Variants in CAMK1D observed in about 807,000 individuals in gnomAD.
The protein encoded by CAMK1D is calcium/calmodulin dependent protein kinase ID.
Under a neutral mutation model 47.7 loss-of-function variants are expected in CAMK1D, and 9 were observed. The ratio of observed to expected loss-of-function variants is 0.19; its 90% CI spans 0.11 to 0.33. The LOEUF (loss-of-function observed/expected upper bound fraction) is 0.33. CAMK1D is among the 10% of genes least tolerant of loss of function. CAMK1D has a pLI of 1.00. For synonymous variants in CAMK1D, 184 were observed against 184.9 expected (o/e 0.99, Z 0.04); for missense variants, 291 against 488.7 (o/e 0.60, Z 3.81).
chr10:12,668,364 C>G (rs867192588), intron 3 of CAMK1D, among the ~76,000 whole-genome samples: 2 of 152,140 alleles, frequency 1.3e-5, no homozygotes, highest in African/African-American at 4.8e-5. Flanking sequence ...AACTACTAAT[C>G]CTCAATCTAA....
Position 12,569,684 on chromosome 10 carries a change from A to C in CAMK1D, c.224+16328A>C, listed in dbSNP as rs148810502. Reference sequence around the variant, plus strand: ...CAGTGAGCCGAGATCGTGCCACTGCACTCTATCTAGCTTGGGTGACAGAAC... The same window carrying C: ...CAGTGAGCCGAGATCGTGCCACTGCCCTCTATCTAGCTTGGGTGACAGAAC... On this transcript the variant is annotated intron_variant, in intron 2 of 10. Coordinates refer to ENST00000619168, the MANE Select transcript of CAMK1D (RefSeq NM_153498.4). 7.2e-3 allele frequency among the ~76,000 whole-genome samples: 976 copies of C among 135,846 alleles called. 8 individuals carry two copies. The highest frequency in any genetic ancestry group is 0.027 in the African/African-American group (929 of 34,862). The allele number at this position is 135,846 out of a possible 152,430, so 89.1% of individuals were successfully genotyped here.
chr10:12,758,977 G>T (rs766060970), intron 3 of CAMK1D, among the ~76,000 whole-genome samples: 2 of 152,188 alleles, frequency 1.3e-5, no homozygotes, highest in African/African-American at 2.4e-5. Flanking sequence ...AAGCTGCCTC[G>T]ATTGCATCCC....
intron 4 of CAMK1D, among the ~76,000 whole-genome samples, chr10:12,766,280 GCCCCGTGCCCTGCCAT>G (rs1352343044): frequency 7.2e-6 from 1 of 138,222 alleles, no homozygotes; most frequent in Non-Finnish European, 1.6e-5. Context: ...CCCAGCCCTG[GCCCCGTGCCCTGCCAT>G]CCCCACCCTA....
At chr10:12,645,213 A>G (rs1839780066) in intron 2 of CAMK1D, among the ~76,000 whole-genome samples, 1 of 152,062 alleles carries the variant, frequency 6.6e-6, no homozygotes, top group Non-Finnish European at 1.5e-5. Flanking sequence ...TTTATCCCCT[A>G]CTATTTTTGG....
At chr10:12,639,575 C>T (rs1449163365) in intron 2 of CAMK1D, among the ~76,000 whole-genome samples, 1 of 152,104 alleles carries the variant, frequency 6.6e-6, no homozygotes, top group Non-Finnish European at 1.5e-5. Flanking sequence ...AATTTTTCCC[C>T]CCAAACCCAA....
intron 2 of CAMK1D, among the ~76,000 whole-genome samples, chr10:12,662,506 GC>G (rs1236014004): frequency 1.3e-5 from 2 of 152,130 alleles, no homozygotes; most frequent in African/African-American, 2.4e-5. Context: ...CAAAAAATCA[GC>G]CGGGCATGGT....
intron 2 of CAMK1D, among the ~76,000 whole-genome samples, chr10:12,649,329 G>A (rs1839897191): frequency 6.6e-6 from 1 of 152,248 alleles, no homozygotes; most frequent in Non-Finnish European, 1.5e-5. Context: ...CAGATAGATG[G>A]ATGTGTGTCT....
chr10:12,541,687 G>T (rs994473067), intron 1 of CAMK1D, among the ~76,000 whole-genome samples: 3 of 151,748 alleles, frequency 2.0e-5, no homozygotes, highest in Admixed American at 2.0e-4. Context: ...GGTCCATTCG[G>T]ATTCTCTGGG....
chr10:12,781,403 T>G (rs1837485327), intron 5 of CAMK1D, among the ~76,000 whole-genome samples: 1 of 152,174 alleles, frequency 6.6e-6, no homozygotes, highest in Non-Finnish European at 1.5e-5. Flanking sequence ...ACAGTTGACT[T>G]CCTCCATCCC....
chr10:12,483,123 A>C (rs898220434), intron 1 of CAMK1D, among the ~76,000 whole-genome samples: 2 of 152,114 alleles, frequency 1.3e-5, no homozygotes, highest in African/African-American at 4.8e-5. Flanking sequence ...ACCTGGGTGT[A>C]GCCCCTATAT....
rs528232567 is a variant in CAMK1D at position 12,515,841 on chromosome 10, G to T, written c.93-37384G>T. ...TTAGCCAGGATGGTCTCGCTCTCCT[G>T]ACCTTGTGATCCCCCTGCCTCGGCC... On this transcript the variant is annotated intron_variant, in intron 1 of 10. Coordinates refer to ENST00000619168, the MANE Select transcript of CAMK1D (RefSeq NM_153498.4). Among the ~76,000 whole-genome samples, 388 of 152,046 alleles carry T rather than the reference G, an allele frequency of 2.6e-3. 1 individual carries two copies. The highest frequency in any genetic ancestry group is 3.5e-3 in the Non-Finnish European group (240 of 67,994).
chr10:12,450,324 C>T (rs564766996), intron 1 of CAMK1D, among the ~76,000 whole-genome samples: 16 of 152,260 alleles, frequency 1.1e-4, no homozygotes, highest in African/African-American at 3.4e-4. Flanking sequence ...ACAGTCTCTT[C>T]GTGTGGGGAA....
chr10:12,350,334 C>G (rs550358044), intron 1 of CAMK1D, among the ~76,000 whole-genome samples: 2 of 152,392 alleles, frequency 1.3e-5, no homozygotes, highest in South Asian at 4.1e-4. Context: ...AGCCTCCAGT[C>G]GTTCCCATTT....
chr10:12,395,882 G>A (rs1838929807), intron 1 of CAMK1D, among the ~76,000 whole-genome samples: 1 of 151,570 alleles, frequency 6.6e-6, no homozygotes, highest in Non-Finnish European at 1.5e-5. Context: ...GGCCGTGATT[G>A]CACCACTGCA....
Position 12,759,199 on chromosome 10 carries a change from A to T in CAMK1D, c.300-1749A>T, listed in dbSNP as rs569467739. ...CTCCGTCTCTACTAAAAATACAAAA[A>T]TTAGCCGGGTGTGGTGGCACGTACC... On this transcript the variant is annotated intron_variant, in intron 3 of 10. Coordinates refer to ENST00000619168, the MANE Select transcript of CAMK1D (RefSeq NM_153498.4). 1.1e-3 allele frequency among the ~76,000 whole-genome samples: 162 copies of T among 152,252 alleles called. 1 individual carries two copies. The highest frequency in any genetic ancestry group is 3.7e-3 in the African/African-American group (155 of 41,530).
chr10:12,748,265 A>T (rs1835775059), intron 3 of CAMK1D, among the ~76,000 whole-genome samples: 1 of 152,216 alleles, frequency 6.6e-6, no homozygotes, highest in Non-Finnish European at 1.5e-5. Context: ...TAGATTTCTC[A>T]AGGGTCTCTT....
intron 1 of CAMK1D, among the ~76,000 whole-genome samples, chr10:12,367,390 C>T (rs1424790964): frequency 1.3e-5 from 2 of 151,714 alleles, no homozygotes; most frequent in African/African-American, 2.4e-5. Context: ...TTTCCATGGA[C>T]GAGGGGTGGG....
chr10:12,696,663 A>C (rs966371310), intron 3 of CAMK1D, among the ~76,000 whole-genome samples: 1 of 152,228 alleles, frequency 6.6e-6, no homozygotes, highest in South Asian at 2.1e-4. Flanking sequence ...TGAAAATGTC[A>C]TTCTCTAATA....
intron 1 of CAMK1D, among the ~76,000 whole-genome samples, chr10:12,421,885 T>C (rs2801478): frequency 0.68 from 103,266 of 150,956 alleles, 35,585 homozygotes; most frequent in African/African-American, 0.78. Context: ...GGCTTGATCT[T>C]GGCTCACTGC....
Sources: allele counts gnomAD v4.1 joint callset (sites outside exome capture counted in the v4.1 genomes callset), GRCh38; gene constraint gnomAD v4.1.1; transcripts MANE v1.5; gene names NCBI Gene and HGNC (gene_info 2026-07-23, HGNC 2026-07-21).